ZNF254: variants seen among roughly 807,000 people sequenced by gnomAD.
The protein encoded by ZNF254 is zinc finger protein 254, also known as CTD-2017D11.1.
ZNF254 carries 10 observed loss-of-function variants against 12.4 expected under a neutral mutation model. The ratio of observed to expected loss-of-function variants is 0.80; its 90% CI spans 0.50 to 1.36. ZNF254 has a LOEUF of 1.36. Among genes scored for constraint, ZNF254 ranks in the 40% most tolerant of loss-of-function variants. The pLI is 0.00. For synonymous variants in ZNF254, 305 were observed against 253.4 expected, an observed-to-expected ratio of 1.20 and a Z score of -1.93; for missense variants, 996 against 763.9, an observed-to-expected ratio of 1.30 and a Z score of -3.58.
At chr19:24,055,163 A>G (rs1365062530) in intron 2 of ZNF254, among the ~76,000 whole-genome samples, 1 of 118,174 alleles carries the variant, frequency 8.5e-6, no homozygotes, top group East Asian at 3.0e-4. Flanking sequence ...AGATCATGCC[A>G]CTGTACTCCA....
At chr19:24,118,090 T>C (rs1974227909) in intron 3 of ZNF254, among the ~76,000 whole-genome samples, 1 of 151,492 alleles carries the variant, frequency 6.6e-6, no homozygotes, top group East Asian at 1.9e-4. Context: ...TCTCCCTTTG[T>C]CACCCAGGCT....
intron 1 of ZNF254, among the ~76,000 whole-genome samples, chr19:24,092,949 C>T (rs1001206369): frequency 1.3e-5 from 2 of 152,186 alleles, no homozygotes; most frequent in Admixed American, 1.3e-4. Flanking sequence ...GTTCCCTTTT[C>T]TCTGCAACCT....
In ZNF254 at chr19:24,127,063, T is replaced by G. The variant is rs1203287853; in HGVS notation, c.1063T>G (p.Cys355Gly). The G allele has an allele frequency of 3.1e-6, 5 of 1,613,450 alleles. No individual in the cohort carries two copies. The highest frequency in any genetic ancestry group is 4.2e-6 in the Non-Finnish European group (5 of 1,179,790). The part of the protein sequence containing the change: ...TGEKPYKCEE[C>G]GKAFSQSSTL... The stretch of plus-strand genomic sequence containing the variant: ...AGAGAAACCCTACAAATGTGAAGAA[T>G]GTGGCAAAGCTTTTAGCCAGTCCTC... The change falls in exon 4 of 4, where the codon TGT becomes GGT. Residue 355 changes from cysteine to glycine, a missense_variant. Coordinates refer to ENST00000357002, the MANE Select transcript of ZNF254 (RefSeq NM_203282.4).
chr19:24,106,569 A>G lies in ZNF254; in HGVS notation c.179A>G (p.Asp60Gly), dbSNP rs756562622. 14 of 1,582,782 alleles carry G rather than the reference A, an allele frequency of 8.8e-6. No homozygotes were observed. The African/African-American group carries it at 1.9e-4, about 21-fold the overall frequency. Residue 60 changes from aspartate to glycine, a missense_variant, in exon 3 of 4, where the codon GAC (aspartate) becomes GGC (glycine). Asp to Gly is a moderately conservative substitution (Grantham distance 94, BLOSUM62 -1). Transcript: ENST00000357002. ...AFLGIAVSKP[D>G]LITCLEQGKE... ...ACAGGTATTGCTGTCTCTAAGCCAGACCTGATCACCTGTCTGGAACAAGGG... is the reference window on the plus strand; with the variant it reads ...ACAGGTATTGCTGTCTCTAAGCCAGGCCTGATCACCTGTCTGGAACAAGGG...
intron 1 of ZNF254, among the ~76,000 whole-genome samples, chr19:24,089,896 A>T (rs1972262119): frequency 6.6e-6 from 1 of 151,954 alleles, no homozygotes; most frequent in Non-Finnish European, 1.5e-5. Flanking sequence ...AAACAAAACA[A>T]AACAAAAACG....
Position 24,126,613 on chromosome 19 carries a change from C to T in ZNF254, c.613C>T (p.His205Tyr). Residue 205 changes from histidine (H) to tyrosine (Y), a missense_variant, in exon 4 of 4, where the codon CAT becomes TAT. Transcript: ENST00000357002. ...TAAAACCCAACACAAAAGCATTTAT[C>T]ATAGAGAGAAGTCCTACAAATGTAA... ...SHKTQHKSIY[H>Y]REKSYKCKEC... 6.2e-7 allele frequency: 1 copy of T among 1,607,458 alleles called. No individual in the cohort carries two copies. The highest frequency in any genetic ancestry group is 8.5e-7 in the Non-Finnish European group (1 of 1,178,244).
At chr19:24,088,149 C>T (rs1475698937) in intron 1 of ZNF254, among the ~76,000 whole-genome samples, 4 of 151,996 alleles carry the variant, frequency 2.6e-5, no homozygotes, top group Non-Finnish European at 5.9e-5. Flanking sequence ...CTCAGGTGAT[C>T]CACCCACCTT....
intron 1 of ZNF254, among the ~76,000 whole-genome samples, chr19:24,099,388 T>C (rs1273438073): frequency 1.3e-5 from 2 of 152,036 alleles, no homozygotes; most frequent in African/African-American, 4.8e-5. Flanking sequence ...CTGTGAGCCC[T>C]GCGCTATGGG....
At chr19:24,106,226 C>A (rs1973332686) in intron 2 of ZNF254, 160 bp downstream of exon 2, 1 of 981,912 alleles carries the variant, frequency 1.0e-6, no homozygotes, top group Non-Finnish European at 1.4e-6. Context: ...TTCATCTTGA[C>A]CTGAACTTTC....
In ZNF254 at chr19:24,118,146, G is replaced by A. The variant is rs377667481; in HGVS notation, c.254-8108G>A. Among the ~76,000 whole-genome samples, 46 of 150,836 alleles carry A rather than the reference G, an allele frequency of 3.0e-4. 1 individual carries two copies. Among genetic ancestry groups the A allele is most frequent in the African/African-American group, 1.0e-3 (41 of 41,078 alleles). ...TGACTCACTGCAACCTCCGCCTCCC[G>A]GGTTTCAAGCGATTCTCCTGTCTCA... On this transcript the variant is annotated intron_variant, in intron 3 of 3. Transcript: ENST00000357002.
At chr19:24,040,271 T>C (rs552979209) in intron 1 of ZNF254, among the ~76,000 whole-genome samples, 1 of 152,314 alleles carries the variant, frequency 6.6e-6, no homozygotes, top group South Asian at 2.1e-4. Context: ...GTGTCTACCC[T>C]TGGTGTTTCT....
rs932190326 is a variant in ZNF254 at position 24,068,305 on chromosome 19, C to CT, written c.-94+22039dup. Among the ~76,000 whole-genome samples the CT allele has an allele frequency of 4.2e-3, 605 of 143,434 alleles. 2 individuals are homozygous for CT. The highest frequency in any genetic ancestry group is 5.3e-3 in the Non-Finnish European group (348 of 65,242). The allele number at this position is 143,434 out of a possible 152,430, so 94.1% of individuals were successfully genotyped here. On this transcript the variant is annotated intron_variant, in intron 2 of 4. Transcript: ENST00000613065. The stretch of plus-strand genomic sequence containing the variant: ...GACTTGTGGCCTGTGCCTATCTAGC[C>CT]TTTTTTTTTTTTTGAGGCAGAGTCT...
chr19:24,067,784 C>A (rs986466003), intron 2 of ZNF254, among the ~76,000 whole-genome samples: 6 of 152,058 alleles, frequency 3.9e-5, no homozygotes, highest in African/African-American at 1.4e-4. Flanking sequence ...TTTTCTCTTG[C>A]CTGGACCCTA....
upstream of ZNF254, among the ~76,000 whole-genome samples, chr19:24,085,425 T>TATATATATATATATATATATATATATA (rs1419273967): frequency 1.5e-5 from 2 of 134,982 alleles, no homozygotes; most frequent in Non-Finnish European, 3.2e-5. Flanking sequence ...TATATATATA[T>TATATATATATATATATATATATATATA]AAAAACTAAG....
chr19:24,091,956 T>C (rs1417485976), intron 1 of ZNF254: 2 of 383,404 alleles, frequency 5.2e-6, no homozygotes, highest in African/African-American at 2.2e-5. Context: ...CTCAGCTCAC[T>C]GCAAGCTCTG....
intron 2 of ZNF254, among the ~76,000 whole-genome samples, chr19:24,055,277 T>G (rs1170174413): frequency 6.7e-6 from 1 of 150,224 alleles, no homozygotes; most frequent in Admixed American, 6.7e-5. Flanking sequence ...TTTTCTCTTT[T>G]TCTTTTTCTT....
At chr19:24,092,713 A>T (rs1972465991) in intron 1 of ZNF254, among the ~76,000 whole-genome samples, 1 of 152,196 alleles carries the variant, frequency 6.6e-6, no homozygotes, top group African/African-American at 2.4e-5. Context: ...TCTACCATTG[A>T]TAGGCATTCA....
rs750795568 is a variant in ZNF254 at position 24,127,882 on chromosome 19, CA to C, written c.1884del (p.Gln628HisfsTer23). 1.9e-6 allele frequency: 3 copies of C among 1,612,566 alleles called. No homozygotes were observed. On this transcript the variant is annotated frameshift_variant, in exon 4 of 4. Coordinates refer to ENST00000357002, the MANE Select transcript of ZNF254 (RefSeq NM_203282.4). LOFTEE classifies it low-confidence loss of function (END_TRUNC). ...ACATAAGAGAATTCATACTGGAGAG[CA>C]ACCCTACAAATGGGAAAAATTTGGC... ...TKHKRIHTGEQPYKWEKFGKA... is the reference protein window; with the variant it reads ...TKHKRIHTGEXPYKWEKFGKA...
chr19:24,128,911 T>C lies in ZNF254; in HGVS notation c.*931T>C, dbSNP rs904559980. On this transcript the variant is annotated 3_prime_UTR_variant, in exon 4 of 4. Transcript: ENST00000357002. ...TACTTTTTTTTGAAAATACAGATTT[T>C]TTTTAAAAGTGAATAATGTGTTCAA... 2.6e-5 allele frequency: 4 copies of C among 152,106 alleles called. No homozygotes were observed. The highest frequency in any genetic ancestry group is 3.2e-3 in the Middle Eastern group (1 of 314). 9.4% of individuals were successfully genotyped at this position (152,106 alleles called of 1,614,324 possible).
Sources: gnomAD v4.1 joint callset for allele counts (sites outside exome capture counted in the v4.1 genomes callset) on GRCh38, gnomAD v4.1.1 for gene constraint, MANE v1.5 for transcripts, NCBI Gene and HGNC (gene_info 2026-07-23, HGNC 2026-07-21) for gene names.